Variants in SV2B observed in about 807,000 individuals in gnomAD.
The protein encoded by SV2B is solute carrier family 22 member B2.
Under a neutral mutation model 73.9 loss-of-function variants are expected in SV2B, and 41 were observed. The ratio of observed to expected loss-of-function variants is 0.56; its 90% confidence interval spans 0.43 to 0.72. The LOEUF (loss-of-function observed/expected upper bound fraction) is 0.72. Among genes scored for constraint, SV2B ranks in the 30% least tolerant of loss-of-function variants. The pLI is 0.00. For synonymous variants in SV2B, 314 were observed against 314.2 expected (o/e 1.00, Z 0.01); for missense variants, 764 against 857.8 (o/e 0.89, Z 1.37).
At chr15:91,259,333 G>A (rs992277488) in intron 5 of SV2B, among the ~76,000 whole-genome samples, 7 of 152,090 alleles carry the variant, frequency 4.6e-5, no homozygotes, top group African/African-American at 1.7e-4. Context: ...GTCAGACAGT[G>A]CAGAAGCAGG....
At chr15:91,274,591 A>G (rs2048423145) in intron 9 of SV2B, among the ~76,000 whole-genome samples, 1 of 152,186 alleles carries the variant, frequency 6.6e-6, no homozygotes, top group Non-Finnish European at 1.5e-5. Context: ...TTGTCTTAGG[A>G]CATTTAAAAT....
At chr15:91,222,289 GGTC>G (rs2046245965) in intron 1 of SV2B, among the ~76,000 whole-genome samples, 2 of 152,140 alleles carry the variant, frequency 1.3e-5, no homozygotes, top group African/African-American at 4.8e-5. Context: ...CACCTCATAC[GGTC>G]GTTGTGCAGG....
At chr15:91,099,890 G>C (rs2041673766), upstream of SV2B, 1 of 152,264 alleles carries the variant, frequency 6.6e-6, no homozygotes, top group Non-Finnish European at 1.5e-5. Flanking sequence ...AGGCGGGGTG[G>C]AGACAGCGAG....
At chr15:91,195,231 C>T (rs2045202603) in intron 1 of SV2B, among the ~76,000 whole-genome samples, 1 of 152,134 alleles carries the variant, frequency 6.6e-6, no homozygotes, top group Admixed American at 6.5e-5. Context: ...AATCTTGGCT[C>T]ACTGCAGCCT....
intron 1 of SV2B, among the ~76,000 whole-genome samples, chr15:91,126,230 C>G (rs927402017): frequency 1.3e-5 from 2 of 152,178 alleles, no homozygotes; most frequent in Non-Finnish European, 2.9e-5. Context: ...GCAGCAGGCT[C>G]CAAGATGGAG....
intron 1 of SV2B, among the ~76,000 whole-genome samples, chr15:91,194,258 A>G (rs1215068615): frequency 1.3e-5 from 2 of 152,202 alleles, no homozygotes; most frequent in East Asian, 3.9e-4. Context: ...TGGGCATAGC[A>G]TAACATGTAG....
chr15:91,208,379 C>T (rs570826149), intron 1 of SV2B, among the ~76,000 whole-genome samples: 15 of 152,132 alleles, frequency 9.9e-5, no homozygotes, highest in Non-Finnish European at 1.9e-4. Flanking sequence ...TGTTTTCCCC[C>T]CACCCTTGAA....
intron 1 of SV2B, among the ~76,000 whole-genome samples, chr15:91,127,325 A>C (rs948007486): frequency 6.6e-6 from 1 of 152,052 alleles, no homozygotes; most frequent in Non-Finnish European, 1.5e-5. Context: ...CATTTTTGAG[A>C]TACTCTAATT....
At chr15:91,243,731 A>G (rs1279797278) in intron 2 of SV2B, among the ~76,000 whole-genome samples, 1 of 152,124 alleles carries the variant, frequency 6.6e-6, no homozygotes, top group Non-Finnish European at 1.5e-5. Context: ...TCCCCTGTAT[A>G]TGGTTGGAGA....
chr15:91,107,544 C>G (rs2151721644), intron 1 of SV2B, among the ~76,000 whole-genome samples: 1 of 152,158 alleles, frequency 6.6e-6, no homozygotes, highest in South Asian at 2.1e-4. Flanking sequence ...ATCTCTTTAC[C>G]TTGTTATCTG....
chr15:91,257,531 C>T (rs2047740745), intron 4 of SV2B, among the ~76,000 whole-genome samples: 1 of 152,176 alleles, frequency 6.6e-6, no homozygotes. Context: ...CTTCCCATTT[C>T]AATGATGATG....
In SV2B at chr15:91,281,460, A is replaced by G. The variant is rs1310668886; in HGVS notation, c.1374-268A>G. On this transcript the variant is annotated intron_variant, in intron 9 of 12. Coordinates refer to ENST00000394232, the MANE Select transcript of SV2B (RefSeq NM_001323032.3). This position sits in a 1 kb window ranked among gnomAD's most constrained non-coding sequence, Gnocchi z 4.7. The stretch of plus-strand genomic sequence containing the variant: ...TCACATTTCTGTGATTCTGACTTAG[A>G]AGGTCCGTGGACCTGCCTTTGAAAA... Among the ~76,000 whole-genome samples, 1 of 152,202 alleles carries G rather than the reference A, an allele frequency of 6.6e-6. No homozygotes were observed. Among genetic ancestry groups the G allele is most frequent in the Non-Finnish European group, 1.5e-5 (1 of 68,042 alleles).
At position 91,208,639 on chromosome 15, in the gene SV2B, TACA is replaced by T. The variant is rs549581578; in HGVS notation, c.-391-17229_-391-17227del. Reference sequence around the variant, plus strand: ...TGAGTCTAGTAGCTATTGAAGAGCCTACAACAATATTCCTGCCAGGTCTTCTCA... The same window carrying T: ...TGAGTCTAGTAGCTATTGAAGAGCCTACAATATTCCTGCCAGGTCTTCTCA... On this transcript the variant is annotated intron_variant, in intron 1 of 12. Transcript: ENST00000394232. 5.4e-4 allele frequency among the ~76,000 whole-genome samples: 83 copies of T among 152,336 alleles called. No individual in the cohort carries two copies. In the East Asian group the frequency reaches 0.014, roughly 26 times the overall value.
In SV2B at chr15:91,252,108, T is replaced by C; in HGVS notation, c.632+109T>C. On this transcript the variant is annotated intron_variant, in intron 3 of 12. Transcript: ENST00000394232. This position sits in a 1 kb window ranked among gnomAD's most constrained non-coding sequence, Gnocchi z 4.6. ...AGAAACCCTTGGACTGACTGAGTTT[T>C]TGTTTGACTTTCAGGATACTATATT... The C allele has an allele frequency of 7.1e-7, 1 of 1,405,452 alleles. No individual in the cohort carries two copies. Among genetic ancestry groups the C allele is most frequent in the Non-Finnish European group, 9.6e-7 (1 of 1,042,296 alleles). 87.1% of individuals were successfully genotyped at this position (1,405,452 alleles called of 1,614,324 possible).
intron 9 of SV2B, among the ~76,000 whole-genome samples, chr15:91,276,256 T>G (rs2048483623): frequency 6.6e-6 from 1 of 152,080 alleles, no homozygotes. Context: ...TTGAATATCA[T>G]GTGCTTAGGT....
chr15:91,278,762 A>G (rs997935521), intron 9 of SV2B, among the ~76,000 whole-genome samples: 1 of 151,818 alleles, frequency 6.6e-6, no homozygotes, highest in African/African-American at 2.4e-5. Flanking sequence ...ATTAGGCCCA[A>G]GTACATATTT....
chr15:91,230,113 T>A (rs1596633925), intron 2 of SV2B, among the ~76,000 whole-genome samples: 1 of 152,140 alleles, frequency 6.6e-6, no homozygotes, highest in East Asian at 1.9e-4. Flanking sequence ...TGGTGGTGCA[T>A]GCCTGTAGTT....
At chr15:91,269,552 C>T (rs1243233881) in intron 9 of SV2B, among the ~76,000 whole-genome samples, 1 of 152,198 alleles carries the variant, frequency 6.6e-6, no homozygotes, top group Non-Finnish European at 1.5e-5. Context: ...AATGTTGTAT[C>T]TCCCTCTGTC....
rs923989771 is a variant in SV2B, at chr15:91,296,750, CCTT to C, written c.*4201_*4203del. Reference sequence around the variant, plus strand: ...TTCTGCCCGATCATGGGCACACGCTCCTTCTGCCCGATCGTTGGGAGCACACTC... The same window carrying C: ...TTCTGCCCGATCATGGGCACACGCTCCTGCCCGATCGTTGGGAGCACACTC... On this transcript the variant is annotated 3_prime_UTR_variant, in exon 13 of 13. Coordinates refer to ENST00000394232, the MANE Select transcript of SV2B (RefSeq NM_001323032.3). 1 of 150,092 alleles carries C rather than the reference CCTT, an allele frequency of 6.7e-6. No individual in the cohort carries two copies. The highest frequency in any genetic ancestry group is 2.5e-5 in the African/African-American group (1 of 39,814). The allele number at this position is 150,092 out of a possible 1,614,324, so 9.3% of individuals were successfully genotyped here. A position where few individuals can be genotyped will look rare whatever the true frequency, so the allele number is the denominator to read the frequency against.
Sources: allele counts gnomAD v4.1 joint callset (sites outside exome capture counted in the v4.1 genomes callset), GRCh38; gene constraint gnomAD v4.1.1; non-coding constraint Gnocchi (gnomAD v3.1); transcripts MANE v1.5; gene names NCBI Gene and HGNC (gene_info 2026-07-23, HGNC 2026-07-21).